Variants in ZNF90 observed in about 807,000 individuals in gnomAD.
The protein encoded by ZNF90 is zinc finger protein 90.
In ZNF90, 11 loss-of-function variants were observed where a neutral mutation model predicts 12.0. The ratio of observed to expected loss-of-function variants is 0.92; its 90% CI spans 0.58 to 1.52. The LOEUF is 1.52. Ranked by LOEUF, ZNF90 falls within the 40% of genes most tolerant of loss-of-function variation. The probability of loss-of-function intolerance (pLI) is 0.00; values close to 1 mark genes in which losing one functional copy is unlikely to be tolerated. For missense variants in ZNF90, 765 were observed against 711.5 expected, an observed-to-expected ratio of 1.08 and a Z score of -0.86; for synonymous variants, 232 against 240.1, an observed-to-expected ratio of 0.97 and a Z score of 0.31.
chr19:20,089,955 A>G (rs1381932766), intron 1 of ZNF90, among the ~76,000 whole-genome samples: 6 of 152,134 alleles, frequency 3.9e-5, no homozygotes, highest in African/African-American at 1.2e-4. Context: ...AGAGGGTGAC[A>G]TAAGAATGGG....
At chr19:20,113,857 C>A (rs1448803751) in intron 3 of ZNF90, among the ~76,000 whole-genome samples, 2 of 152,004 alleles carry the variant, frequency 1.3e-5, no homozygotes, top group African/African-American at 4.8e-5. Flanking sequence ...ACATCAATTT[C>A]CTTGTGAATC....
chr19:20,119,611 A>G lies in ZNF90; in HGVS notation c.*251A>G, dbSNP rs2089178781. ...GAAAAATGCAGCAAAGCCTATAACAAGTTCTCAATTCTTTTTTTTTTTTTT... is the reference window on the plus strand; with the variant it reads ...GAAAAATGCAGCAAAGCCTATAACAGGTTCTCAATTCTTTTTTTTTTTTTT... On this transcript the variant is annotated 3_prime_UTR_variant, in exon 4 of 4. Transcript: ENST00000418063. The G allele has an allele frequency of 2.7e-6, 1 of 372,834 alleles. No individual in the cohort carries two copies. Among genetic ancestry groups the G allele is most frequent in the Non-Finnish European group, 4.7e-6 (1 of 210,730 alleles). 23.1% of individuals were successfully genotyped at this position (372,834 alleles called of 1,614,324 possible).
chr19:20,101,208 C>A (rs1292079177), intron 1 of ZNF90, among the ~76,000 whole-genome samples: 1 of 152,192 alleles, frequency 6.6e-6, no homozygotes, highest in Non-Finnish European at 1.5e-5. Context: ...ATTGTTCCTG[C>A]ATGGCTAAGT....
intron 3 of ZNF90, among the ~76,000 whole-genome samples, chr19:20,117,415 CCTTCCTTT>C (rs1333108603): frequency 4.1e-5 from 6 of 146,088 alleles, no homozygotes; most frequent in East Asian, 4.0e-4. Context: ...TTCCTTCCTT[CCTTCCTTT>C]CTTCCTTCCC....
In ZNF90 at chr19:20,119,125, T is replaced by G; in HGVS notation, c.1571T>G (p.Leu524Arg). The change falls in exon 4 of 4, where the codon CTT (leucine) becomes CGT (arginine). Residue 524 changes from leucine to arginine, a missense_variant. By Grantham distance (102) the Leu-to-Arg change is moderately radical. Coordinates refer to ENST00000418063, the MANE Select transcript of ZNF90 (RefSeq NM_007138.2). ...AAAGCCTTCAAGCGCTCCTCAGTCCTTAGTAAACATAAGATAATTCATACT... is the reference window on the plus strand; with the variant it reads ...AAAGCCTTCAAGCGCTCCTCAGTCCGTAGTAAACATAAGATAATTCATACT... ...CGKAFKRSSVLSKHKIIHTGA... is the reference protein window; with the variant it reads ...CGKAFKRSSVRSKHKIIHTGA... 3 of 1,613,014 alleles carry G rather than the reference T, an allele frequency of 1.9e-6. No homozygotes were observed. Among genetic ancestry groups the G allele is most frequent in the Non-Finnish European group, 2.5e-6 (3 of 1,179,532 alleles).
chr19:20,079,316 T>A lies in ZNF90; in HGVS notation c.3+1181T>A, dbSNP rs2088803062. Among the ~76,000 whole-genome samples the A allele has an allele frequency of 2.0e-5, 3 of 151,800 alleles. No individual in the cohort carries two copies. In the South Asian group the frequency reaches 6.2e-4, roughly 32 times the overall value. ...GCCTGCAAAAGGAGGGTTTTTTTTTTTTTTTTGAGATGGAGTTTGTCCAGG... is the reference window on the plus strand; with the variant it reads ...GCCTGCAAAAGGAGGGTTTTTTTTTATTTTTTGAGATGGAGTTTGTCCAGG... On this transcript the variant is annotated intron_variant, in intron 1 of 3. Coordinates refer to ENST00000418063, the MANE Select transcript of ZNF90 (RefSeq NM_007138.2).
intron 1 of ZNF90, among the ~76,000 whole-genome samples, chr19:20,095,404 T>C (rs548845390): frequency 1.5e-4 from 23 of 151,972 alleles, no homozygotes; most frequent in African/African-American, 5.3e-4. Context: ...AGGTGTGAGT[T>C]GAAGAGGTTT....
At chr19:20,116,147 A>G (rs2089135427) in intron 3 of ZNF90, among the ~76,000 whole-genome samples, 1 of 152,160 alleles carries the variant, frequency 6.6e-6, no homozygotes, top group Non-Finnish European at 1.5e-5. Context: ...TGCTGGTATT[A>G]CAGGCGTGAA....
intron 3 of ZNF90, among the ~76,000 whole-genome samples, chr19:20,110,775 G>T (rs541953067): frequency 1.6e-4 from 25 of 152,098 alleles, no homozygotes; most frequent in African/African-American, 5.1e-4. Context: ...TTCTTTTTCA[G>T]TTCTCTATAA....
At chr19:20,102,054 C>G (rs1338741711) in intron 1 of ZNF90, among the ~76,000 whole-genome samples, 2 of 152,124 alleles carry the variant, frequency 1.3e-5, no homozygotes, top group Non-Finnish European at 2.9e-5. Flanking sequence ...ATGTGGGATA[C>G]AGTAAATTTG....
intron 1 of ZNF90, among the ~76,000 whole-genome samples, chr19:20,103,712 T>G (rs1679909798): frequency 6.6e-6 from 1 of 152,192 alleles, no homozygotes; most frequent in African/African-American, 2.4e-5. Flanking sequence ...CAAAGGTTCT[T>G]CCACTTGGTG....
In ZNF90 at chr19:20,119,258, A is replaced by G. The variant is rs782306829; in HGVS notation, c.1704A>G (p.Glu568=). The G allele has an allele frequency of 9.3e-6, 15 of 1,613,774 alleles. No individual in the cohort carries two copies. The East Asian group carries it at 2.9e-4, about 31-fold the overall frequency. The change falls in exon 4 of 4, where the codon GAA becomes GAG. Residue 568 remains glutamate (E), a synonymous_variant. Transcript: ENST00000418063. ...CTGGAGAGAAACCCTACAAATGTGA[A>G]GAATGTGGCAAAGCTTTTAACTTGT... ...SHTGEKPYKC[E]ECGKAFNLSS...
chr19:20,081,455 G>C (rs1003144876), intron 1 of ZNF90, among the ~76,000 whole-genome samples: 1 of 152,102 alleles, frequency 6.6e-6, no homozygotes, highest in African/African-American at 2.4e-5. Context: ...CCAAAGTGCC[G>C]GGATTACAGG....
chr19:20,084,765 C>T (rs910004542), intron 1 of ZNF90, among the ~76,000 whole-genome samples: 3 of 152,094 alleles, frequency 2.0e-5, no homozygotes, highest in African/African-American at 7.2e-5. Context: ...TTTTCATATG[C>T]TAGTTAGCTT....
chr19:20,082,934 G>GCTGGAGGTGAGACA (rs1568281661), intron 1 of ZNF90, among the ~76,000 whole-genome samples: 64 of 152,178 alleles, frequency 4.2e-4, no homozygotes, highest in African/African-American at 1.5e-3. Flanking sequence ...GAGGTGAGAC[G>GCTGGAGGTGAGACA]TGCTGGTGGC....
chr19:20,100,745 A>G (rs2088982934), intron 1 of ZNF90, among the ~76,000 whole-genome samples: 1 of 152,224 alleles, frequency 6.6e-6, no homozygotes, highest in Non-Finnish European at 1.5e-5. Context: ...AGAATTCCTA[A>G]GCCTAGCTGG....
chr19:20,105,356 T>A (rs1319546054), intron 3 of ZNF90, 40 bp downstream of exon 3: 5 of 1,522,592 alleles, frequency 3.3e-6, no homozygotes, highest in South Asian at 2.3e-5. Context: ...ACAACACAGA[T>A]AAGAGGTCCC....
At chr19:20,100,079 C>G (rs2088977613) in intron 1 of ZNF90, among the ~76,000 whole-genome samples, 1 of 152,106 alleles carries the variant, frequency 6.6e-6, no homozygotes, top group Non-Finnish European at 1.5e-5. Flanking sequence ...ATAGAAAGAC[C>G]CCTAGTATGG....
At position 20,104,260 on chromosome 19, in the gene ZNF90, G is replaced by T. The variant is rs782026829; in HGVS notation, c.25G>T (p.Val9Leu). Residue 9 changes from valine (V) to leucine (L), a missense_variant, in exon 2 of 4, where the codon GTG becomes TTG. By Grantham distance (32) the Val-to-Leu change is conservative. Coordinates refer to ENST00000418063, the MANE Select transcript of ZNF90 (RefSeq NM_007138.2). MGPLEFRD[V>L]AIEFSLEEWH... ...TCAGGGACCATTGGAATTTAGAGAT[G>T]TGGCCATAGAATTCTCTCTGGAGGA... The T allele has an allele frequency of 6.2e-7, 1 of 1,613,950 alleles. No individual in the cohort carries two copies. Among genetic ancestry groups the T allele is most frequent in the Non-Finnish European group, 8.5e-7 (1 of 1,179,976 alleles).
Sources: allele counts gnomAD v4.1 joint callset (sites outside exome capture counted in the v4.1 genomes callset), GRCh38; gene constraint gnomAD v4.1.1; transcripts MANE v1.5; gene names NCBI Gene and HGNC (gene_info 2026-07-23, HGNC 2026-07-21).